The following HACD4 variants were observed in gnomAD, a reference collection of about 807,000 sequenced individuals.
HACD4 encodes very-long-chain (3R)-3-hydroxyacyl-CoA dehydratase 4.
HACD4 carries 35 observed loss-of-function variants against 33.3 expected under a neutral mutation model. The observed-to-expected ratio is 1.05, with a 90% CI of 0.80 to 1.39. The LOEUF (loss-of-function observed/expected upper bound fraction) is 1.39, where lower values mean the gene tolerates loss of function less well. HACD4 is among the 40% of genes most tolerant of loss of function. The pLI is 0.00. For synonymous variants in HACD4, 118 were observed against 98.0 expected, an observed-to-expected ratio of 1.20 and a Z score of -1.21; for missense variants, 323 against 276.5, an observed-to-expected ratio of 1.17 and a Z score of -1.19.
At chr9:21,008,771 A>G (rs1334383412) in intron 5 of HACD4, among the ~76,000 whole-genome samples, 1 of 152,156 alleles carries the variant, frequency 6.6e-6, no homozygotes, top group Non-Finnish European at 1.5e-5. Context: ...TATTTTTGGT[A>G]ACATTTCATG....
At chr9:21,007,549 C>G (rs987536104) in intron 6 of HACD4, among the ~76,000 whole-genome samples, 2 of 152,102 alleles carry the variant, frequency 1.3e-5, no homozygotes, top group Non-Finnish European at 1.5e-5. Context: ...GTTTAATGAT[C>G]AAATTTATTC....
At position 21,008,037 on chromosome 9, in the gene HACD4, G is replaced by A. The variant is rs781548982; in HGVS notation, c.600C>T (p.Leu200=). 2 of 1,602,250 alleles carry A rather than the reference G, an allele frequency of 1.2e-6. No individual in the cohort carries two copies. Among genetic ancestry groups the A allele is most frequent in the East Asian group, 2.3e-5 (1 of 44,082 alleles). ...GCCACTTACCTATAAAGAGCATCAT[G>A]AGATATATTTTCAGCACATATGGGA... is the stretch of plus-strand genomic sequence containing the variant. The part of the protein sequence containing the change: ...IYFPYVLKIY[L]MMLFIGMYFT... The change falls in exon 6 of 7, where the codon CTC becomes CTT. Residue 200 remains leucine (L), a synonymous_variant. Coordinates refer to ENST00000495827, the MANE Select transcript of HACD4 (RefSeq NM_001010915.5).
intron 3 of HACD4, among the ~76,000 whole-genome samples, chr9:21,022,330 A>T (rs988397844): frequency 1.4e-4 from 22 of 152,198 alleles, no homozygotes; most frequent in African/African-American, 2.7e-4. Context: ...GGACTTCATG[A>T]CTAAAACACC....
chr9:21,020,067 A>G (rs978540429), intron 3 of HACD4, among the ~76,000 whole-genome samples: 24 of 152,260 alleles, frequency 1.6e-4, no homozygotes, highest in African/African-American at 5.5e-4. Flanking sequence ...GATCAGAAAT[A>G]GAAGTGTTAC....
At chr9:21,020,399 C>T (rs76024700) in intron 3 of HACD4, among the ~76,000 whole-genome samples, 3,723 of 152,194 alleles carry the variant, frequency 0.024, 96 homozygotes, top group Non-Finnish European at 0.036. Context: ...CTATTTTCCC[C>T]TCTTCTTGAG....
rs1289549402 is a variant in HACD4, at chr9:21,002,850, G to C, written c.*4187C>G. The C allele has an allele frequency of 6.6e-6, 1 of 152,094 alleles. No individual in the cohort carries two copies. The highest frequency in any genetic ancestry group is 1.5e-5 in the Non-Finnish European group (1 of 67,964). The allele number at this position is 152,094 out of a possible 1,614,324, so 9.4% of individuals were successfully genotyped here. ...TGTCTACACTGTACAAAATGAAATA[G>C]GGATTTGGTGAACATACAGTTAAGA... is the stretch of plus-strand genomic sequence containing the variant. On this transcript the variant is annotated 3_prime_UTR_variant, in exon 7 of 7. Coordinates refer to ENST00000495827, the MANE Select transcript of HACD4 (RefSeq NM_001010915.5).
At chr9:21,023,468 A>C (rs183433938) in intron 3 of HACD4, among the ~76,000 whole-genome samples, 20 of 152,278 alleles carry the variant, frequency 1.3e-4, no homozygotes, top group Non-Finnish European at 2.6e-4. Flanking sequence ...GTGTAATGCC[A>C]ATTGCTCAAC....
chr9:21,012,899 T>C (rs1344136741), intron 4 of HACD4, among the ~76,000 whole-genome samples: 1 of 152,034 alleles, frequency 6.6e-6, no homozygotes, highest in African/African-American at 2.4e-5. Context: ...AAACCCCATC[T>C]ACACTAAAAA....
chr9:21,012,031 T>A (rs545402095), intron 4 of HACD4, among the ~76,000 whole-genome samples: 2 of 152,226 alleles, frequency 1.3e-5, no homozygotes, highest in Admixed American at 1.3e-4. Flanking sequence ...CAGCTAGGTT[T>A]TTTAATGACA....
intron 3 of HACD4, among the ~76,000 whole-genome samples, chr9:21,020,677 A>T (rs1288744985): frequency 6.6e-6 from 1 of 152,118 alleles, no homozygotes. Flanking sequence ...CATTTCTTTT[A>T]TGCTTCTTTT....
intron 4 of HACD4, among the ~76,000 whole-genome samples, chr9:21,013,048 G>GAGAGCAA (rs1391582269): frequency 1.4e-5 from 2 of 143,624 alleles, no homozygotes; most frequent in Non-Finnish European, 3.0e-5. Context: ...GCCTGGGTGA[G>GAGAGCAA]AGAGCAAGAC....
chr9:21,013,584 C>T (rs1222000926), intron 4 of HACD4, among the ~76,000 whole-genome samples: 1 of 152,126 alleles, frequency 6.6e-6, no homozygotes, highest in Non-Finnish European at 1.5e-5. Flanking sequence ...ATCTACAGAT[C>T]AATTTGGGGA....
chr9:21,028,397 T>C (rs1272888510), intron 2 of HACD4, among the ~76,000 whole-genome samples: 1 of 152,210 alleles, frequency 6.6e-6, no homozygotes, highest in Non-Finnish European at 1.5e-5. Context: ...TCAACATTTG[T>C]AGTTGAAACT....
rs1240164734 is a variant in HACD4 at position 21,000,907 on chromosome 9, T to A, written c.*6130A>T. On this transcript the variant is annotated 3_prime_UTR_variant, in exon 7 of 7. Transcript: ENST00000495827. ...TTGTACTTCTGAAATAAATACAGTT[T>A]CTCACATTTGACAACTTGCTCAAGG... The A allele has an allele frequency of 6.6e-6, 1 of 152,062 alleles. No homozygotes were observed. The highest frequency in any genetic ancestry group is 1.5e-5 in the Non-Finnish European group (1 of 67,976). 9.4% of individuals were successfully genotyped at this position (152,062 alleles called of 1,614,324 possible).
intron 4 of HACD4, among the ~76,000 whole-genome samples, chr9:21,014,107 T>C (rs946974194): frequency 8.5e-5 from 13 of 152,210 alleles, no homozygotes; most frequent in African/African-American, 3.1e-4. Context: ...AGGAAGTCTC[T>C]TGCTCATTAC....
intron 2 of HACD4, 134 bp from the exon 3 acceptor site, chr9:21,026,857 T>G: frequency 1.5e-6 from 1 of 677,930 alleles, no homozygotes. Flanking sequence ...ATTCCTTAAG[T>G]AGGCTACTAA....
At chr9:21,020,807 T>C (rs1002671597) in intron 3 of HACD4, among the ~76,000 whole-genome samples, 1 of 152,344 alleles carries the variant, frequency 6.6e-6, no homozygotes, top group African/African-American at 2.4e-5. Flanking sequence ...ATAGCTACGC[T>C]ATGGTTTTGC....
chr9:21,019,882 G>A (rs1817861271), intron 3 of HACD4, among the ~76,000 whole-genome samples: 1 of 151,948 alleles, frequency 6.6e-6, no homozygotes, highest in Non-Finnish European at 1.5e-5. Context: ...ATTTAGTCTA[G>A]CAATGCAAAT....
chr9:21,021,722 A>G (rs1817918314), intron 3 of HACD4, among the ~76,000 whole-genome samples: 1 of 152,154 alleles, frequency 6.6e-6, no homozygotes, highest in African/African-American at 2.4e-5. Flanking sequence ...GCTCAACGAA[A>G]TAAAAGAGGA....
Sources: gnomAD v4.1 joint callset for allele counts (sites outside exome capture counted in the v4.1 genomes callset) on GRCh38, gnomAD v4.1.1 for gene constraint, MANE v1.5 for transcripts, NCBI Gene and HGNC (gene_info 2026-07-23, HGNC 2026-07-21) for gene names.